SPOCK1: variants seen among roughly 807,000 people sequenced by gnomAD.
The protein encoded by SPOCK1 is SPARC (osteonectin), cwcv and kazal like domains proteoglycan 1, also known as testican-1.
A neutral mutation model predicts 55.3 loss-of-function variants in SPOCK1; 23 were observed. That is an observed-to-expected ratio of 0.42 (90% CI 0.30 to 0.59). The LOEUF (loss-of-function observed/expected upper bound fraction) is 0.59, where lower values mean the gene tolerates loss of function less well. Ranked by LOEUF, SPOCK1 falls within the 20% of genes least tolerant of loss-of-function variation. SPOCK1 has a pLI of 0.22. For missense variants in SPOCK1, 499 were observed against 552.5 expected (o/e 0.90, Z 0.97); for synonymous variants, 226 against 221.0 (o/e 1.02, Z -0.20).
chr5:137,145,904 G>A (rs1191292085), intron 3 of SPOCK1, among the ~76,000 whole-genome samples: 2 of 152,186 alleles, frequency 1.3e-5, no homozygotes, highest in Non-Finnish European at 2.9e-5. Flanking sequence ...TGTTTCATGA[G>A]GCTGGCAGCA....
chr5:136,995,269 G>A (rs1751019806), intron 6 of SPOCK1, among the ~76,000 whole-genome samples: 1 of 152,154 alleles, frequency 6.6e-6, no homozygotes, highest in South Asian at 2.1e-4. Context: ...TGAGAAAGAA[G>A]ATAAGCCCCC....
chr5:137,189,776 G>C (rs997180667), intron 3 of SPOCK1, among the ~76,000 whole-genome samples: 1 of 152,202 alleles, frequency 6.6e-6, no homozygotes, highest in Middle Eastern at 3.4e-3. Flanking sequence ...ATGGATCTGG[G>C]CAAAGTAAAT....
intron 6 of SPOCK1, among the ~76,000 whole-genome samples, chr5:137,003,047 G>C (rs1751179906): frequency 6.6e-6 from 1 of 152,180 alleles, no homozygotes; most frequent in Non-Finnish European, 1.5e-5. Flanking sequence ...TTTGAATAAA[G>C]TGATTTATTT....
At chr5:137,135,031 G>A (rs915888148) in intron 4 of SPOCK1, among the ~76,000 whole-genome samples, 2 of 152,212 alleles carry the variant, frequency 1.3e-5, no homozygotes, top group African/African-American at 4.8e-5. Flanking sequence ...TTACATTAGA[G>A]AGGCCCAGCC....
intron 2 of SPOCK1, among the ~76,000 whole-genome samples, chr5:137,446,027 A>G (rs1753120175): frequency 1.3e-5 from 2 of 152,172 alleles, no homozygotes; most frequent in South Asian, 4.2e-4. Context: ...CCTCCCCTAT[A>G]AAAAAAGGAA....
At chr5:137,266,516 G>C (rs1315679372) in intron 3 of SPOCK1, among the ~76,000 whole-genome samples, 1 of 152,156 alleles carries the variant, frequency 6.6e-6, no homozygotes, top group East Asian at 1.9e-4. Flanking sequence ...AGTAGTCATC[G>C]AGCTAACTCT....
intron 2 of SPOCK1, among the ~76,000 whole-genome samples, chr5:137,489,648 T>G (rs1754133221): frequency 6.6e-6 from 1 of 152,214 alleles, no homozygotes; most frequent in African/African-American, 2.4e-5. Context: ...GTGCCTCACT[T>G]TTTGCAGTTG....
intron 4 of SPOCK1, among the ~76,000 whole-genome samples, chr5:137,131,638 T>C (rs184677202): frequency 6.8e-6 from 1 of 148,010 alleles, no homozygotes; most frequent in African/African-American, 2.5e-5. Context: ...ACGACATCTT[T>C]GTGAGGAGGC....
At chr5:136,999,044 C>A (rs1280067516) in intron 6 of SPOCK1, among the ~76,000 whole-genome samples, 1 of 152,186 alleles carries the variant, frequency 6.6e-6, no homozygotes, top group African/African-American at 2.4e-5. Context: ...ACCTGGCCAC[C>A]TTTGCCCCCT....
intron 2 of SPOCK1, among the ~76,000 whole-genome samples, chr5:137,366,447 G>A (rs1009488910): frequency 3.9e-5 from 6 of 152,038 alleles, no homozygotes; most frequent in African/African-American, 9.7e-5. Flanking sequence ...TCATTTTTCC[G>A]ACAAGAAAAG....
intron 2 of SPOCK1, among the ~76,000 whole-genome samples, chr5:137,319,879 A>G (rs895254549): frequency 2.9e-5 from 4 of 139,642 alleles, no homozygotes; most frequent in African/African-American, 1.1e-4. Flanking sequence ...CGGGAAGCGG[A>G]GCTTGCAGTG....
At chr5:137,396,021 T>C (rs1039601017) in intron 2 of SPOCK1, among the ~76,000 whole-genome samples, 1 of 152,236 alleles carries the variant, frequency 6.6e-6, no homozygotes, top group Non-Finnish European at 1.5e-5. Context: ...TTGCAGCCAA[T>C]AACATTACTC....
chr5:137,009,449 T>C (rs1384863394), intron 6 of SPOCK1, among the ~76,000 whole-genome samples: 1 of 152,230 alleles, frequency 6.6e-6, no homozygotes, highest in Non-Finnish European at 1.5e-5. Context: ...TATTCTATAC[T>C]ATATATGTGT....
At chr5:137,082,500 A>T (rs1028516910) in intron 5 of SPOCK1, among the ~76,000 whole-genome samples, 2 of 152,196 alleles carry the variant, frequency 1.3e-5, no homozygotes, top group African/African-American at 4.8e-5. Context: ...ACCCTGTGAT[A>T]CAGACGCAGG....
chr5:137,261,228 G>A (rs1315633384), intron 3 of SPOCK1, among the ~76,000 whole-genome samples: 1 of 152,130 alleles, frequency 6.6e-6, no homozygotes, highest in East Asian at 1.9e-4. Context: ...TTTCTATTAA[G>A]CCTATTATGT....
intron 3 of SPOCK1, among the ~76,000 whole-genome samples, chr5:137,234,089 G>A (rs1203807474): frequency 6.6e-6 from 1 of 152,148 alleles, no homozygotes. Flanking sequence ...AGTGTCCCCA[G>A]CTGCCCAGGT....
At chr5:137,294,017 A>G (rs1280487674) in intron 2 of SPOCK1, among the ~76,000 whole-genome samples, 1 of 152,176 alleles carries the variant, frequency 6.6e-6, no homozygotes. Flanking sequence ...CCATCTCAAA[A>G]AGTGGTGCTG....
At chr5:137,480,103 G>C (rs1753918286) in intron 2 of SPOCK1, among the ~76,000 whole-genome samples, 3 of 152,110 alleles carry the variant, frequency 2.0e-5, no homozygotes, top group Non-Finnish European at 2.9e-5. Context: ...TACTTTTAAG[G>C]CTAAAAATGA....
At chr5:137,337,476 T>C (rs1308135344) in intron 2 of SPOCK1, among the ~76,000 whole-genome samples, 1 of 152,212 alleles carries the variant, frequency 6.6e-6, no homozygotes, top group Non-Finnish European at 1.5e-5. Flanking sequence ...TTCCTTTCTG[T>C]ATCATGTACC....
Sources: gnomAD v4.1 joint callset for allele counts (sites outside exome capture counted in the v4.1 genomes callset) on GRCh38, gnomAD v4.1.1 for gene constraint, MANE v1.5 for transcripts, NCBI Gene and HGNC (gene_info 2026-07-23, HGNC 2026-07-21) for gene names.